The following CDYL2 variants were observed in gnomAD, a reference collection of about 807,000 sequenced individuals.
CDYL2 encodes the protein chromodomain Y like 2, also known as chromodomain Y-like protein 2.
CDYL2 carries 23 observed loss-of-function variants against 49.4 expected under a neutral mutation model. The observed-to-expected ratio is 0.47, with a 90% CI of 0.34 to 0.66. The LOEUF (loss-of-function observed/expected upper bound fraction) is 0.66, where lower values mean the gene tolerates loss of function less well. Among genes scored for constraint, CDYL2 ranks in the 30% least tolerant of loss-of-function variants. The probability of loss-of-function intolerance (pLI) is 0.01; values close to 1 mark genes in which losing one functional copy is unlikely to be tolerated. For synonymous variants in CDYL2, 360 were observed against 268.8 expected (o/e 1.34, Z -3.32); for missense variants, 678 against 656.4 (o/e 1.03, Z -0.36).
At chr16:80,671,304 G>A (rs1909497507) in intron 2 of CDYL2, among the ~76,000 whole-genome samples, 4 of 152,180 alleles carry the variant, frequency 2.6e-5, no homozygotes, top group Non-Finnish European at 5.9e-5. Flanking sequence ...GGCTGACATA[G>A]GGGCCAGAAC....
At chr16:80,624,066 G>A (rs759207215) in intron 3 of CDYL2, among the ~76,000 whole-genome samples, 2 of 152,116 alleles carry the variant, frequency 1.3e-5, no homozygotes, top group Non-Finnish European at 2.9e-5. Context: ...TCACACCCCT[G>A]CATACTCCCC....
intron 6 of CDYL2, among the ~76,000 whole-genome samples, chr16:80,607,279 G>C (rs1465392361): frequency 6.6e-6 from 1 of 151,294 alleles, no homozygotes; most frequent in Non-Finnish European, 1.5e-5. Context: ...GGCCCAGCAG[G>C]AGAAAGACTT....
chr16:80,653,956 T>C (rs551846740), intron 2 of CDYL2, among the ~76,000 whole-genome samples: 4 of 152,226 alleles, frequency 2.6e-5, no homozygotes, highest in African/African-American at 9.6e-5. Context: ...CACTGTGGTG[T>C]CGAGTGTGAG....
At position 80,764,837 on chromosome 16, in the gene CDYL2, G is replaced by A. The variant is rs549034295; in HGVS notation, c.24+39313C>T. On this transcript the variant is annotated intron_variant, in intron 1 of 6. Coordinates refer to ENST00000570137, the MANE Select transcript of CDYL2 (RefSeq NM_152342.4). The stretch of plus-strand genomic sequence containing the variant: ...GCACTTTGTGAGGCCGAGGCAGGTG[G>A]ATCACGAGGTCAGGAGATCAAGACC... 2.6e-5 allele frequency among the ~76,000 whole-genome samples: 4 copies of A among 152,038 alleles called. No homozygotes were observed. The East Asian group carries it at 7.7e-4, about 29-fold the overall frequency.
chr16:80,769,463 A>G (rs904853494), intron 1 of CDYL2, among the ~76,000 whole-genome samples: 2 of 152,220 alleles, frequency 1.3e-5, no homozygotes, highest in African/African-American at 4.8e-5. Flanking sequence ...TGTTGGCCAA[A>G]TAAAAGAAGA....
Position 80,684,844 on chromosome 16 carries a change from G to A in CDYL2, c.310C>T (p.His104Tyr), listed in dbSNP as rs977037619. 2 of 1,614,004 alleles carry A rather than the reference G, an allele frequency of 1.2e-6. No homozygotes were observed. The highest frequency in any genetic ancestry group is 1.3e-5 in the African/African-American group (1 of 74,904). ...GGAGGGTTAATTCGCTTCCGTTTATGGGAGGTCCCCTTGCTCTTTCCAGGA... is the reference window on the plus strand; with the variant it reads ...GGAGGGTTAATTCGCTTCCGTTTATAGGAGGTCCCCTTGCTCTTTCCAGGA... ...SDPGKSKGTS[H>Y]KRKRINPPLA... is the part of the protein sequence containing the mutation. The change falls in exon 2 of 7, where the codon CAT (histidine) becomes TAT (tyrosine). Residue 104 changes from histidine (H) to tyrosine (Y), a missense_variant. Physicochemically the swap from His to Tyr is moderately conservative, Grantham distance 83. Around this residue, in one of 3 missense-constraint regions of CDYL2, gnomAD observed 478 missense variants for 427.0 expected, o/e 1.12. Coordinates refer to ENST00000570137, the MANE Select transcript of CDYL2 (RefSeq NM_152342.4).
Position 80,633,777 on chromosome 16 carries a change from G to A in CDYL2, c.617-541C>T, listed in dbSNP as rs80312558. On this transcript the variant is annotated intron_variant, in intron 2 of 6. Coordinates refer to ENST00000570137, the MANE Select transcript of CDYL2 (RefSeq NM_152342.4). ...GAGAGGGGTGAATACCAAGCAGGCA[G>A]TATCCTTAGGTCTCTCTCTTCCTCT... is the stretch of plus-strand genomic sequence containing the variant. Among the ~76,000 whole-genome samples, 3 of 152,220 alleles carry A rather than the reference G, an allele frequency of 2.0e-5. No individual in the cohort carries two copies. In the South Asian group the frequency reaches 6.2e-4, roughly 31 times the overall value.
chr16:80,696,875 G>C (rs1289304440), intron 1 of CDYL2, among the ~76,000 whole-genome samples: 3 of 152,242 alleles, frequency 2.0e-5, no homozygotes, highest in African/African-American at 2.4e-5. Context: ...CATGCACTTA[G>C]AGACCCAGCT....
At position 80,612,125 on chromosome 16, in the gene CDYL2, G is replaced by T. The variant is rs1245948119; in HGVS notation, c.1218+501C>A. On this transcript the variant is annotated intron_variant, in intron 5 of 6. Transcript: ENST00000570137. The surrounding 1 kb of genome is among the most constrained non-coding windows in gnomAD (Gnocchi z 5.0). ...CTGAGTCATGGCCAATACCACATGA[G>T]TGGAGGGGAAGACGCCCCTGCCGGC... Among the ~76,000 whole-genome samples the T allele has an allele frequency of 6.6e-6, 1 of 152,238 alleles. No individual in the cohort carries two copies. The highest frequency in any genetic ancestry group is 2.4e-5 in the African/African-American group (1 of 41,468).
At chr16:80,777,427 A>C (rs1158158191) in intron 1 of CDYL2, among the ~76,000 whole-genome samples, 1 of 151,648 alleles carries the variant, frequency 6.6e-6, no homozygotes, top group African/African-American at 2.4e-5. Flanking sequence ...ATAAAGCTAA[A>C]AATTGATTTT....
chr16:80,769,798 A>G (rs1425992588), intron 1 of CDYL2, among the ~76,000 whole-genome samples: 1 of 152,244 alleles, frequency 6.6e-6, no homozygotes, highest in Non-Finnish European at 1.5e-5. Context: ...TAAAGAGATT[A>G]AACTGAAAAA....
At chr16:80,705,973 T>A (rs1294114193) in intron 1 of CDYL2, among the ~76,000 whole-genome samples, 2 of 152,234 alleles carry the variant, frequency 1.3e-5, no homozygotes, top group Admixed American at 1.3e-4. Flanking sequence ...ATATTGAGCA[T>A]CTACCGTATG....
intron 2 of CDYL2, among the ~76,000 whole-genome samples, chr16:80,640,550 C>G (rs1334262224): frequency 1.3e-5 from 2 of 152,064 alleles, no homozygotes; most frequent in Non-Finnish European, 2.9e-5. Flanking sequence ...TTCCCAGACA[C>G]AAACATCTAC....
intron 1 of CDYL2, among the ~76,000 whole-genome samples, chr16:80,790,263 G>T (rs568067942): frequency 1.3e-5 from 2 of 152,080 alleles, no homozygotes; most frequent in Non-Finnish European, 1.5e-5. Flanking sequence ...TACCATAGAC[G>T]TGGCTACACA....
chr16:80,630,027 G>A (rs1242993208), intron 3 of CDYL2, among the ~76,000 whole-genome samples: 1 of 152,234 alleles, frequency 6.6e-6, no homozygotes, highest in African/African-American at 2.4e-5. Context: ...AGCATGGTAA[G>A]TTGAAGGGAG....
Position 80,804,216 on chromosome 16 carries a change from G to A in CDYL2, c.-43C>T. The A allele has an allele frequency of 1.5e-6, 2 of 1,338,364 alleles. No homozygotes were observed. Among genetic ancestry groups the A allele is most frequent in the Non-Finnish European group, 2.0e-6 (2 of 1,017,266 alleles). The allele number at this position is 1,338,364 out of a possible 1,614,324, so 82.9% of individuals were successfully genotyped here. The stretch of plus-strand genomic sequence containing the variant: ...GGCTCGCCGGTGTGCGCGTCTGCTC[G>A]CTCGCGCCCTCCGTGCGTGTGCGCG... On this transcript the variant is annotated 5_prime_UTR_variant, in exon 1 of 7. Coordinates refer to ENST00000570137, the MANE Select transcript of CDYL2 (RefSeq NM_152342.4).
rs1474619349 is a variant in CDYL2 at position 80,620,743 on chromosome 16, T to G, written c.1007+20A>C. 1.3e-6 allele frequency: 2 copies of G among 1,564,552 alleles called. No homozygotes were observed. The highest frequency in any genetic ancestry group is 1.7e-6 in the Non-Finnish European group (2 of 1,149,322). ...ATCCTACGCAGGACCCCAGGGTGTG[T>G]GAAAAGGAGCACAGCTCACCTGATG... On this transcript the variant is annotated intron_variant, in intron 4 of 6. Coordinates refer to ENST00000570137, the MANE Select transcript of CDYL2 (RefSeq NM_152342.4).
At chr16:80,786,619 T>C (rs8063002) in intron 1 of CDYL2, among the ~76,000 whole-genome samples, 55 of 152,164 alleles carry the variant, frequency 3.6e-4, no homozygotes, top group African/African-American at 1.3e-3. Flanking sequence ...ACTGGGCATA[T>C]ACCCAAAGGA....
At chr16:80,681,827 G>A (rs1225903402) in intron 2 of CDYL2, among the ~76,000 whole-genome samples, 5 of 152,212 alleles carry the variant, frequency 3.3e-5, no homozygotes, top group Non-Finnish European at 7.3e-5. Context: ...TCAGAGGGAA[G>A]CTATAAGTTT....
Sources: gnomAD v4.1 joint callset for allele counts (sites outside exome capture counted in the v4.1 genomes callset) on GRCh38, gnomAD v4.1.1 for gene constraint, gnomAD v4.1.1 regional missense constraint, Gnocchi (gnomAD v3.1) non-coding constraint, MANE v1.5 for transcripts, NCBI Gene and HGNC (gene_info 2026-07-23, HGNC 2026-07-21) for gene names.